CCDC30: variants seen among roughly 807,000 people sequenced by gnomAD.
CCDC30 encodes the protein coiled-coil domain-containing protein 30.
Under a neutral mutation model 100.2 loss-of-function variants are expected in CCDC30, and 70 were observed. The ratio of observed to expected loss-of-function variants is 0.70; its 90% CI spans 0.58 to 0.85. The LOEUF is 0.85. Among genes scored for constraint, CCDC30 ranks in the 40% least tolerant of loss-of-function variants. CCDC30 has a pLI of 0.00. For missense variants in CCDC30, 652 were observed against 771.2 expected, an observed-to-expected ratio of 0.85 and a Z score of 1.83; for synonymous variants, 233 against 269.5, an observed-to-expected ratio of 0.86 and a Z score of 1.33.
chr1:42,628,572 G>A (rs1646974900), intron 11 of CCDC30, among the ~76,000 whole-genome samples: 1 of 152,116 alleles, frequency 6.6e-6, no homozygotes, highest in South Asian at 2.1e-4. Context: ...GGGACCCAGG[G>A]GGAGGTAATT....
chr1:42,653,750 C>A, intron 16 of CCDC30, 68 bp from the exon 21 acceptor site: 1 of 1,143,308 alleles, frequency 8.7e-7, no homozygotes, highest in Non-Finnish European at 1.3e-6. Context: ...ATGCCTGTAT[C>A]CCTGTAACCC....
rs542055507 is a variant in CCDC30, at chr1:42,482,778, A to G, written c.131A>G (p.Asp44Gly). Residue 44 changes from aspartate (D) to glycine (G), a missense_variant, in exon 3 of 17, where the codon GAT (aspartate) becomes GGT (glycine). Transcript: ENST00000668663. ...CATGAAGAGATTCAAAGGCTCACTG[A>G]TGAACTACAAGTGAAGGAGAAGGAA... 1.4e-5 allele frequency: 17 copies of G among 1,234,030 alleles called. 1 individual carries two copies. In the South Asian group the frequency reaches 7.0e-4, roughly 51 times the overall value. The allele number at this position is 1,234,030 out of a possible 1,614,324, so 76.4% of individuals were successfully genotyped here. A position where few individuals can be genotyped will look rare whatever the true frequency, so the allele number is the denominator to read the frequency against.
At chr1:42,523,271 G>A (rs1001718738) in intron 6 of CCDC30, among the ~76,000 whole-genome samples, 4 of 152,104 alleles carry the variant, frequency 2.6e-5, no homozygotes, top group East Asian at 3.8e-4. Context: ...CAGGTATAAC[G>A]TAAACAACTT....
intron 3 of CCDC30, among the ~76,000 whole-genome samples, chr1:42,483,658 G>C (rs369853050): frequency 1.3e-5 from 2 of 152,110 alleles, no homozygotes; most frequent in South Asian, 2.1e-4. Context: ...TACTCGTTTG[G>C]ATATACAACT....
At chr1:42,456,158 G>A in the CCDC30 span, 6 of 657,834 alleles carry the variant, frequency 9.1e-6, no homozygotes, top group Admixed American at 4.6e-5. Context: ...TGCTGAAGTT[G>A]GAAAAGGGGA....
intron 12 of CCDC30, among the ~76,000 whole-genome samples, chr1:42,638,601 C>T (rs930822034): frequency 7.2e-4 from 109 of 150,630 alleles, no homozygotes; most frequent in African/African-American, 2.6e-3. Context: ...AGGCAGGGCA[C>T]GGTGGCTTGC....
intron 1 of CCDC30, among the ~76,000 whole-genome samples, chr1:42,465,598 C>T (rs986683176): frequency 2.6e-5 from 4 of 152,144 alleles, no homozygotes; most frequent in Admixed American, 1.3e-4. Flanking sequence ...CTCCTGACCC[C>T]AGGTGATCCG....
exon 17 of CCDC30, chr1:42,653,931 T>A: frequency 2.5e-6 from 4 of 1,613,910 alleles, no homozygotes; most frequent in Non-Finnish European, 3.4e-6. Flanking sequence ...CCTGAGAATC[T>A]TGTGTGTTCA....
chr1:42,608,455 A>G (rs1032566858), intron 10 of CCDC30, among the ~76,000 whole-genome samples: 1 of 152,340 alleles, frequency 6.6e-6, no homozygotes, highest in Middle Eastern at 3.4e-3. Flanking sequence ...TGATCCCAGC[A>G]CTTTGGGAGG....
At chr1:42,499,780 C>CTTT (rs113815487) in intron 6 of CCDC30, among the ~76,000 whole-genome samples, 3 of 147,748 alleles carry the variant, frequency 2.0e-5, no homozygotes, top group East Asian at 2.0e-4. Context: ...GGCTTGTATT[C>CTTT]TTTTTTTTTT....
chr1:42,556,088 C>CTTTT, intron 6 of CCDC30, 68 bp from the exon 10 acceptor site: 1 of 1,470,450 alleles, frequency 6.8e-7, no homozygotes, highest in South Asian at 1.3e-5. Context: ...TGACTTGTAG[C>CTTTT]TTTTTTTTCC....
intron 7 of CCDC30, 67 bp from the exon 12 acceptor site, chr1:42,576,953 C>T (rs2148584234): frequency 2.5e-6 from 3 of 1,193,308 alleles, no homozygotes; most frequent in Non-Finnish European, 2.4e-6. Context: ...CCTTTGAAAG[C>T]TGCTTATTCT....
chr1:42,498,008 A>G (rs1644254745), intron 5 of CCDC30, among the ~76,000 whole-genome samples: 1 of 152,216 alleles, frequency 6.6e-6, no homozygotes, highest in Non-Finnish European at 1.5e-5. Context: ...CAATAGCCAG[A>G]AGTTGGAAGC....
Position 42,550,032 on chromosome 1 carries a change from T to C in CCDC30, c.457-16264T>C, listed in dbSNP as rs145409183. ...CTGTCTCCTTCACAGACTACCAATG[T>C]ATTTTTCATCCTCCTCCAAACTATT... On this transcript the variant is annotated intron_variant, in intron 6 of 16. Transcript: ENST00000668663. Among the ~76,000 whole-genome samples the C allele has an allele frequency of 2.3e-3, 344 of 152,322 alleles. 2 individuals are homozygous for C. The highest frequency in any genetic ancestry group is 7.9e-3 in the African/African-American group (329 of 41,572).
intron 11 of CCDC30, among the ~76,000 whole-genome samples, chr1:42,618,583 T>A (rs745982669): frequency 1.1e-4 from 17 of 152,094 alleles, no homozygotes; most frequent in Non-Finnish European, 2.2e-4. Flanking sequence ...GAAAGGAGAA[T>A]GAGAACAGTT....
chr1:42,549,836 A>G (rs1301988242), intron 6 of CCDC30, among the ~76,000 whole-genome samples: 1 of 152,176 alleles, frequency 6.6e-6, no homozygotes, highest in African/African-American at 2.4e-5. Context: ...TCCTTGTTTT[A>G]TTAGGAAGCT....
chr1:42,590,409 G>A (rs535996484), intron 10 of CCDC30: 3 of 152,142 alleles, frequency 2.0e-5, no homozygotes, highest in African/African-American at 4.8e-5. Context: ...TTTGGAACTG[G>A]GTAACAGGCA....
At chr1:42,563,052 C>T (rs1380454911) in intron 6 of CCDC30, among the ~76,000 whole-genome samples, 1 of 152,154 alleles carries the variant, frequency 6.6e-6, no homozygotes, top group African/African-American at 2.4e-5. Context: ...ATGGTGATTC[C>T]TCAAGGATCT....
At chr1:42,543,983 A>C (rs949799773) in intron 6 of CCDC30, among the ~76,000 whole-genome samples, 1 of 152,246 alleles carries the variant, frequency 6.6e-6, no homozygotes, top group Non-Finnish European at 1.5e-5. Context: ...TGAATCAGGC[A>C]GGCTATTGTC....
Sources: allele counts gnomAD v4.1 joint callset (sites outside exome capture counted in the v4.1 genomes callset), GRCh38; gene constraint gnomAD v4.1.1; transcripts MANE v1.5; gene names NCBI Gene and HGNC (gene_info 2026-07-23, HGNC 2026-07-21).